Variants in MLXIPL observed in about 807,000 individuals in gnomAD.
MLXIPL encodes MLX interacting protein like.
In MLXIPL, 49 loss-of-function variants were observed where a neutral mutation model predicts 81.5. That is an observed-to-expected ratio of 0.60 (90% CI 0.48 to 0.76). The LOEUF is 0.76. Among genes scored for constraint, MLXIPL ranks in the 30% least tolerant of loss-of-function variants. MLXIPL has a pLI of 0.00. For synonymous variants in MLXIPL, 466 were observed against 485.5 expected (o/e 0.96, Z 0.53); for missense variants, 1,053 against 1,167.0 (o/e 0.90, Z 1.42).
intron 7 of MLXIPL, among the ~76,000 whole-genome samples, chr7:73,600,094 C>T (rs567152076): frequency 2.0e-5 from 3 of 151,562 alleles, no homozygotes; most frequent in Admixed American, 6.6e-5. Flanking sequence ...AAAAGGGGTA[C>T]GGTGCTAGGG....
chr7:73,607,960 G>A (rs543312247), intron 2 of MLXIPL, among the ~76,000 whole-genome samples: 1 of 149,978 alleles, frequency 6.7e-6, no homozygotes, highest in Admixed American at 6.7e-5. Context: ...GGGTTCAAGC[G>A]ATTCTCCTGC....
At chr7:73,632,743 TTTCCTTCC>T in the MLXIPL span, among the ~76,000 whole-genome samples, 5,042 of 133,846 alleles carry the variant, frequency 0.038, 137 homozygotes, top group African/African-American at 0.064. Context: ...TCCTTCCTTC[TTTCCTTCC>T]TTCCTTCCTT....
chr7:73,631,826 AGTCTT>A, the MLXIPL span, among the ~76,000 whole-genome samples: 3 of 106,346 alleles, frequency 2.8e-5, no homozygotes, highest in African/African-American at 3.8e-5. Flanking sequence ...TCTTCTCTCC[AGTCTT>A]GTCTTGTCTT....
the MLXIPL span, among the ~76,000 whole-genome samples, chr7:73,637,553 CAT>C: frequency 6.6e-6 from 1 of 152,190 alleles, no homozygotes; most frequent in African/African-American, 2.4e-5. Flanking sequence ...AGCTTACACT[CAT>C]ATGTCCTTTG....
chr7:73,646,200 C>A, the MLXIPL span, among the ~76,000 whole-genome samples: 1 of 152,144 alleles, frequency 6.6e-6, no homozygotes, highest in Non-Finnish European at 1.5e-5. Flanking sequence ...CCAAAGACAG[C>A]CCCGGGGAGG....
chr7:73,620,514 G>A (rs1796277126), intron 1 of MLXIPL, among the ~76,000 whole-genome samples: 1 of 150,958 alleles, frequency 6.6e-6, no homozygotes, highest in Non-Finnish European at 1.5e-5. Flanking sequence ...GCCGAGACGG[G>A]TGGATCACAA....
intron 1 of MLXIPL, among the ~76,000 whole-genome samples, chr7:73,621,936 C>G (rs1796406829): frequency 8.6e-6 from 1 of 115,724 alleles, no homozygotes; most frequent in Non-Finnish European, 1.8e-5. Flanking sequence ...CTCTCCATCT[C>G]CCTCTCTCCA....
Position 73,594,320 on chromosome 7 carries a change from T to C in MLXIPL, c.2394A>G (p.Ser798=), listed in dbSNP as rs1554592901. The C allele has an allele frequency of 1.9e-6, 3 of 1,611,640 alleles. No homozygotes were observed. Among genetic ancestry groups the C allele is most frequent in the Admixed American group, 3.3e-5 (2 of 59,984 alleles). Residue 798 remains serine, a synonymous_variant, in exon 16 of 17, where the codon TCA becomes TCG. Transcript: ENST00000313375. ...TASVHTLRQT[S]LAWLDQYCSL... is the part of the protein sequence containing the mutation. ...AGCAGTACTGGTCCAGCCAGGCCAGTGAGGTCTGGCGGAGGGTGTGCACAC... is the reference window on the plus strand; with the variant it reads ...AGCAGTACTGGTCCAGCCAGGCCAGCGAGGTCTGGCGGAGGGTGTGCACAC...
chr7:73,628,045 C>A (rs1317227930), upstream of MLXIPL, among the ~76,000 whole-genome samples: 1 of 152,042 alleles, frequency 6.6e-6, no homozygotes, highest in Non-Finnish European at 1.5e-5. Context: ...TGGTCTCGAG[C>A]ACCTGGGCTC....
At chr7:73,606,312 T>TA in intron 5 of MLXIPL, 1 of 618,498 alleles carries the variant, frequency 1.6e-6, no homozygotes, top group South Asian at 1.9e-5. Flanking sequence ...CCCCAGGAGA[T>TA]AGACCAGGAT....
the MLXIPL span, among the ~76,000 whole-genome samples, chr7:73,645,530 G>A: frequency 1.3e-5 from 2 of 152,136 alleles, no homozygotes; most frequent in Non-Finnish European, 2.9e-5. Context: ...TGAGGTGGGC[G>A]CAGGACACAT....
chr7:73,636,888 C>T, the MLXIPL span, among the ~76,000 whole-genome samples: 6 of 151,858 alleles, frequency 4.0e-5, no homozygotes, highest in Non-Finnish European at 8.8e-5. Context: ...GGTGAAACCC[C>T]GTCTCTACTA....
chr7:73,625,718 G>A (rs1046932751), upstream of MLXIPL, among the ~76,000 whole-genome samples: 26 of 152,106 alleles, frequency 1.7e-4, no homozygotes, highest in African/African-American at 4.8e-4. Flanking sequence ...CCGAGATCGC[G>A]CCCTACTGCA....
upstream of MLXIPL, among the ~76,000 whole-genome samples, chr7:73,625,900 C>T (rs1796714738): frequency 6.6e-6 from 1 of 152,186 alleles, no homozygotes; most frequent in African/African-American, 2.4e-5. Flanking sequence ...GGTGGACATC[C>T]CCTAGGCAGG....
intron 1 of MLXIPL, among the ~76,000 whole-genome samples, chr7:73,617,439 A>T (rs1484900322): frequency 6.6e-6 from 1 of 152,180 alleles, no homozygotes; most frequent in Non-Finnish European, 1.5e-5. Context: ...TGCTCTTCTC[A>T]GGGCTGCACA....
chr7:73,642,542 G>A, the MLXIPL span, among the ~76,000 whole-genome samples: 1 of 152,162 alleles, frequency 6.6e-6, no homozygotes, highest in African/African-American at 2.4e-5. Context: ...TTTTAGTAGA[G>A]ACAGAGTTTC....
intron 2 of MLXIPL, among the ~76,000 whole-genome samples, chr7:73,612,348 TAA>T (rs1284585222): frequency 1.4e-5 from 2 of 148,142 alleles, no homozygotes; most frequent in African/African-American, 5.0e-5. Flanking sequence ...AGAATAAAAT[TAA>T]GTTTGTTAGG....
chr7:73,614,298 A>C (rs894082671), intron 2 of MLXIPL, among the ~76,000 whole-genome samples: 1 of 152,100 alleles, frequency 6.6e-6, no homozygotes, highest in African/African-American at 2.4e-5. Context: ...AGCCAGCCCC[A>C]GCTCTGCTTC....
At chr7:73,632,447 A>G in the MLXIPL span, among the ~76,000 whole-genome samples, 2 of 152,194 alleles carry the variant, frequency 1.3e-5, no homozygotes, top group African/African-American at 2.4e-5. Flanking sequence ...CTTTGCACCC[A>G]TATACATATA....
Sources: gnomAD v4.1 joint callset for allele counts (sites outside exome capture counted in the v4.1 genomes callset) on GRCh38, gnomAD v4.1.1 for gene constraint, MANE v1.5 for transcripts, NCBI Gene and HGNC (gene_info 2026-07-23, HGNC 2026-07-21) for gene names.